The following PPARGC1A variants were observed in gnomAD, a reference collection of about 807,000 sequenced individuals.
PPARGC1A encodes the protein peroxisome proliferator-activated receptor gamma coactivator 1-alpha.
Under a neutral mutation model 88.7 loss-of-function variants are expected in PPARGC1A, and 25 were observed. That is an observed-to-expected ratio of 0.28 (90% CI 0.21 to 0.39). The LOEUF (loss-of-function observed/expected upper bound fraction) is 0.39. Among genes scored for constraint, PPARGC1A ranks in the 10% least tolerant of loss-of-function variants. PPARGC1A has a pLI of 1.00. For missense variants in PPARGC1A, 880 were observed against 968.7 expected (o/e 0.91, Z 1.22); for synonymous variants, 363 against 355.6 (o/e 1.02, Z -0.24).
chr4:24,257,597 A>G, the PPARGC1A span, among the ~76,000 whole-genome samples: 26 of 152,178 alleles, frequency 1.7e-4, no homozygotes, highest in Admixed American at 1.7e-3. Context: ...ATGGGTAGGA[A>G]GCAATTCCCA....
chr4:23,983,180 G>A, the PPARGC1A span, among the ~76,000 whole-genome samples: 1 of 152,176 alleles, frequency 6.6e-6, no homozygotes, highest in Admixed American at 6.5e-5. Context: ...TGTAGTCATT[G>A]TACCTACTTC....
the PPARGC1A span, among the ~76,000 whole-genome samples, chr4:24,106,753 C>G: frequency 6.6e-6 from 1 of 152,184 alleles, no homozygotes; most frequent in Non-Finnish European, 1.5e-5. Flanking sequence ...TCCCTTGCTT[C>G]GGTCAATAGT....
At chr4:23,997,837 T>C in the PPARGC1A span, among the ~76,000 whole-genome samples, 2 of 152,102 alleles carry the variant, frequency 1.3e-5, no homozygotes, top group African/African-American at 4.8e-5. Flanking sequence ...ATAGAGATGG[T>C]TCAAGAAGAG....
At chr4:24,178,661 T>C in the PPARGC1A span, among the ~76,000 whole-genome samples, 1 of 152,204 alleles carries the variant, frequency 6.6e-6, no homozygotes, top group Non-Finnish European at 1.5e-5. Flanking sequence ...TGCACAATCA[T>C]TTACCTGATG....
At chr4:24,034,470 T>C in the PPARGC1A span, among the ~76,000 whole-genome samples, 1 of 152,214 alleles carries the variant, frequency 6.6e-6, no homozygotes, top group East Asian at 1.9e-4. Context: ...GTGATAATGG[T>C]ATTGTGATTG....
chr4:24,106,110 G>A, the PPARGC1A span, among the ~76,000 whole-genome samples: 15 of 152,136 alleles, frequency 9.9e-5, no homozygotes, highest in East Asian at 2.1e-3. Context: ...CCCCGCCCCC[G>A]GATGCCCTCA....
chr4:24,263,555 AG>A, the PPARGC1A span, among the ~76,000 whole-genome samples: 2 of 151,966 alleles, frequency 1.3e-5, no homozygotes, highest in Admixed American at 1.3e-4. Flanking sequence ...TTTCAATAAA[AG>A]TTATACCAAG....
chr4:24,358,000 C>A, the PPARGC1A span, among the ~76,000 whole-genome samples: 2 of 152,212 alleles, frequency 1.3e-5, no homozygotes, highest in African/African-American at 4.8e-5. Context: ...GTGGTTGAGT[C>A]CTTCCTGTTA....
the PPARGC1A span, among the ~76,000 whole-genome samples, chr4:24,430,251 ATTTC>A: frequency 7.6e-6 from 1 of 131,678 alleles, no homozygotes; most frequent in East Asian, 2.3e-4. Flanking sequence ...GATATTTTGT[ATTTC>A]TTTTTTTTTT....
the PPARGC1A span, among the ~76,000 whole-genome samples, chr4:24,189,955 C>A: frequency 6.6e-6 from 1 of 152,116 alleles, no homozygotes; most frequent in Admixed American, 6.5e-5. Flanking sequence ...CTTGCCACTT[C>A]CTGCTAGCTT....
At chr4:23,879,034 A>G (rs963232582) in intron 2 of PPARGC1A, among the ~76,000 whole-genome samples, 1 of 141,006 alleles carries the variant, frequency 7.1e-6, no homozygotes, top group African/African-American at 3.2e-5. Context: ...TGGGCCGTAA[A>G]TTTAATTTAA....
chr4:23,883,388 T>A (rs1716315566), intron 2 of PPARGC1A: 3 of 152,232 alleles, frequency 2.0e-5, no homozygotes, highest in Non-Finnish European at 4.4e-5. Flanking sequence ...TCTGTTCTAT[T>A]TTTAAATATA....
rs768987762 is a variant in PPARGC1A, at chr4:23,801,743, G to T, written c.2280C>A (p.Asn760Lys). Residue 760 changes from asparagine to lysine, a missense_variant, in exon 12 of 13, where the codon AAC becomes AAA. Physicochemically the swap from Asn to Lys is moderately conservative, Grantham distance 94 (BLOSUM62 0). Transcript: ENST00000264867. ...TAAAATCCATACCTAGGTCTGCATA[G>T]TTAGACTTGAAAAATTGCTTGCGTC... Reference protein sequence around the residue: ...FCGRKQFFKSNYADLDSNSDD... With the variant: ...FCGRKQFFKSKYADLDSNSDD... 1 of 1,613,962 alleles carries T rather than the reference G, an allele frequency of 6.2e-7. No individual in the cohort carries two copies. Among genetic ancestry groups the T allele is most frequent in the Non-Finnish European group, 8.5e-7 (1 of 1,179,930 alleles).
chr4:24,410,737 A>G, the PPARGC1A span, among the ~76,000 whole-genome samples: 1 of 152,190 alleles, frequency 6.6e-6, no homozygotes, highest in Non-Finnish European at 1.5e-5. Flanking sequence ...TCCAGCCTCC[A>G]TCTTTCTCCT....
chr4:24,201,965 G>C, the PPARGC1A span, among the ~76,000 whole-genome samples: 3 of 150,836 alleles, frequency 2.0e-5, no homozygotes, highest in Non-Finnish European at 2.9e-5. Flanking sequence ...GCAGTGGCGC[G>C]ATCTCAGCTC....
chr4:23,913,975 G>A, the PPARGC1A span, among the ~76,000 whole-genome samples: 2 of 152,104 alleles, frequency 1.3e-5, no homozygotes, highest in Non-Finnish European at 2.9e-5. Flanking sequence ...GTAGTAAGTT[G>A]AATAAGCAAG....
chr4:24,315,865 A>T, the PPARGC1A span, among the ~76,000 whole-genome samples: 1 of 152,338 alleles, frequency 6.6e-6, no homozygotes, highest in South Asian at 2.1e-4. Flanking sequence ...CTTTCCGGGC[A>T]TTCAAAGCCA....
the PPARGC1A span, among the ~76,000 whole-genome samples, chr4:24,414,582 G>A: frequency 5.9e-5 from 9 of 152,106 alleles, no homozygotes; most frequent in Non-Finnish European, 1.3e-4. Flanking sequence ...ATCCCCTGGG[G>A]TCATTTAAAA....
chr4:24,048,619 A>G, the PPARGC1A span, among the ~76,000 whole-genome samples: 3 of 152,188 alleles, frequency 2.0e-5, no homozygotes, highest in East Asian at 5.8e-4. Flanking sequence ...TCTTGCCAAT[A>G]TTGATGAAAT....
Sources: allele counts gnomAD v4.1 joint callset (sites outside exome capture counted in the v4.1 genomes callset), GRCh38; gene constraint gnomAD v4.1.1; transcripts MANE v1.5; gene names NCBI Gene and HGNC (gene_info 2026-07-23, HGNC 2026-07-21).